Variants in TPM3 observed in about 807,000 individuals in gnomAD.
The protein encoded by TPM3 is tropomyosin alpha-3 chain.
Under a neutral mutation model 43.1 loss-of-function variants are expected in TPM3, and 16 were observed. The ratio of observed to expected loss-of-function variants is 0.37; its 90% confidence interval spans 0.25 to 0.56. The LOEUF (loss-of-function observed/expected upper bound fraction) is 0.56, where lower values mean the gene tolerates loss of function less well. Ranked by LOEUF, TPM3 falls within the 20% of genes least tolerant of loss-of-function variation. TPM3 has a pLI of 0.77. For synonymous variants in TPM3, 101 were observed against 116.9 expected, an observed-to-expected ratio of 0.86 and a Z score of 0.88; for missense variants, 176 against 337.2, an observed-to-expected ratio of 0.52 and a Z score of 3.74.
At position 154,162,415 on chromosome 1, in the gene TPM3, A is replaced by G. The variant is rs1331517814; in HGVS notation, c.*5522T>C. ...AACCAACCCCATGGAGTTGGATAGT[A>G]TTCAACCAACACCATGTGAAAGGAA... On this transcript the variant is annotated 3_prime_UTR_variant, in exon 10 of 10. Coordinates refer to ENST00000651641, the MANE Select transcript of TPM3 (RefSeq NM_152263.4). 6.6e-6 allele frequency among the ~76,000 whole-genome samples: 1 copy of G among 151,556 alleles called. No homozygotes were observed. Among genetic ancestry groups the G allele is most frequent in the African/African-American group, 2.4e-5 (1 of 41,294 alleles).
chr1:154,191,315 T>G lies in TPM3; in HGVS notation c.118-4A>C. On this transcript the variant is annotated splice_region_variant and splice_polypyrimidine_tract_variant and intron_variant, in intron 1 of 9. Transcript: ENST00000651641. Reference sequence around the variant, plus strand: ...TGGCTGCCAGCTCATCCTCCAGCTATAGGAGCCCAGAGAGTCACACACAAA... The same window carrying G: ...TGGCTGCCAGCTCATCCTCCAGCTAGAGGAGCCCAGAGAGTCACACACAAA... 6.2e-7 allele frequency: 1 copy of G among 1,614,014 alleles called. No individual in the cohort carries two copies. Among genetic ancestry groups the G allele is most frequent in the Non-Finnish European group, 8.5e-7 (1 of 1,180,032 alleles).
chr1:154,177,804 C>T (rs1256933688), intron 2 of TPM3, among the ~76,000 whole-genome samples: 1 of 152,128 alleles, frequency 6.6e-6, no homozygotes, highest in Non-Finnish European at 1.5e-5. Flanking sequence ...ACAAAAACTT[C>T]CACATACAAA....
At chr1:154,168,924 T>A (rs1661281832) in intron 9 of TPM3, among the ~76,000 whole-genome samples, 1 of 151,080 alleles carries the variant, frequency 6.6e-6, no homozygotes, top group South Asian at 2.1e-4. Context: ...AACCTCTGCC[T>A]CCCAGATTCA....
intron 2 of TPM3, among the ~76,000 whole-genome samples, chr1:154,189,133 A>G (rs1434884916): frequency 9.2e-4 from 5 of 5,442 alleles, no homozygotes; most frequent in Non-Finnish European, 3.0e-3. Flanking sequence ...CTCTGTCTCA[A>G]AAAAAAAAAA....
Position 154,167,215 on chromosome 1 carries a change from T to C in TPM3, c.*722A>G, listed in dbSNP as rs377063759. 3.7e-6 allele frequency: 3 copies of C among 805,622 alleles called. No homozygotes were observed. The highest frequency in any genetic ancestry group is 3.7e-5 in the African/African-American group (2 of 53,448). The allele number at this position is 805,622 out of a possible 1,614,324, so 49.9% of individuals were successfully genotyped here. A position where few individuals can be genotyped will look rare whatever the true frequency, so the allele number is the denominator to read the frequency against. ...GCAAGTCTCAAATATGTAAGAAAGG[T>C]TTAAAGAAGAAAAAGTAAAAAAACC... On this transcript the variant is annotated 3_prime_UTR_variant, in exon 10 of 10. Transcript: ENST00000651641.
chr1:154,168,998 GCTA>G (rs779377493), intron 9 of TPM3, among the ~76,000 whole-genome samples: 5 of 150,506 alleles, frequency 3.3e-5, no homozygotes, highest in Non-Finnish European at 5.9e-5. Context: ...ACCATGCCTG[GCTA>G]CTTTTTGTAT....
chr1:154,169,686 C>A (rs912288010), intron 8 of TPM3: 2 of 503,518 alleles, frequency 4.0e-6, no homozygotes, highest in Non-Finnish European at 3.6e-6. Context: ...CATCCAGGTA[C>A]CCAATTCCTA....
At chr1:154,173,378 G>A (rs1270561646) in intron 3 of TPM3, among the ~76,000 whole-genome samples, 177 bp from the exon 4 acceptor site, 3 of 152,100 alleles carry the variant, frequency 2.0e-5, no homozygotes, top group East Asian at 1.9e-4. Context: ...AAAATTTTTT[G>A]TTATGGCTGG....
Position 154,166,767 on chromosome 1 carries a change from C to T in TPM3, c.*1170G>A, listed in dbSNP as rs949602184. 1.6e-5 allele frequency: 14 copies of T among 880,870 alleles called. No homozygotes were observed. Among genetic ancestry groups the T allele is most frequent in the Admixed American group, 6.2e-5 (1 of 16,100 alleles). 54.6% of individuals were successfully genotyped at this position (880,870 alleles called of 1,614,324 possible). ...CGCGATCTCCGCTCACTGCAACCTC[C>T]GCCTCCCAGGTGCAAGCGATTCTCC... On this transcript the variant is annotated 3_prime_UTR_variant, in exon 10 of 10. Transcript: ENST00000651641.
chr1:154,158,955 T>A (rs374708914), downstream of TPM3: 2 of 780,094 alleles, frequency 2.6e-6, no homozygotes, highest in Non-Finnish European at 4.8e-6. Flanking sequence ...ATGGGCATCA[T>A]TGAGCCCTGC....
downstream of TPM3, chr1:154,157,461 C>T (rs1413136197): frequency 7.0e-6 from 5 of 717,742 alleles, no homozygotes; most frequent in South Asian, 4.6e-5. Context: ...CTGGATTCTC[C>T]GGGAAGAGGC....
At chr1:154,174,405 T>TATATAC (rs1553249385) in intron 3 of TPM3, among the ~76,000 whole-genome samples, 1 of 89,530 alleles carries the variant, frequency 1.1e-5, no homozygotes, top group African/African-American at 5.4e-5. Flanking sequence ...TATATATATA[T>TATATAC]ATACACACAA....
At chr1:154,183,297 C>T (rs1663192024) in intron 2 of TPM3, 1 of 1,495,186 alleles carries the variant, frequency 6.7e-7, no homozygotes, top group Non-Finnish European at 8.9e-7. Flanking sequence ...GAAGGCAGTC[C>T]ACTGGAGGGA....
intron 2 of TPM3, among the ~76,000 whole-genome samples, chr1:154,190,349 C>G (rs1391954775): frequency 1.3e-5 from 2 of 152,164 alleles, no homozygotes; most frequent in African/African-American, 4.8e-5. Context: ...TGGTAAGATT[C>G]CTATGGTACT....
rs11540125 is a variant in TPM3, at chr1:154,172,097, G to T, written c.567-609C>A. Reference sequence around the variant, plus strand: ...AGTCTAATCTGCTCATCCATCTCTCGGCAACGGCTGTTAGTGATAGTCACG... The same window carrying T: ...AGTCTAATCTGCTCATCCATCTCTCTGCAACGGCTGTTAGTGATAGTCACG... On this transcript the variant is annotated intron_variant, in intron 5 of 9. Transcript: ENST00000651641. The T allele has an allele frequency of 1.4e-5, 23 of 1,613,994 alleles. No homozygotes were observed. The African/African-American group carries it at 2.9e-4, about 21-fold the overall frequency.
rs541735313 is a variant in TPM3, at chr1:154,165,446, C to T, written c.*2491G>A. 6.6e-6 allele frequency among the ~76,000 whole-genome samples: 1 copy of T among 151,982 alleles called. No individual in the cohort carries two copies. Among genetic ancestry groups the T allele is most frequent in the South Asian group, 2.1e-4 (1 of 4,816 alleles). ...ATATTCACTATCCCACAACCCAACT[C>T]TGCTTGTCAAAAATCCACTTTTGGA... On this transcript the variant is annotated 3_prime_UTR_variant, in exon 10 of 10. Transcript: ENST00000651641.
At chr1:154,182,888 G>A (rs1663120514) in intron 2 of TPM3, 3 of 1,573,390 alleles carry the variant, frequency 1.9e-6, no homozygotes, top group Admixed American at 1.7e-5. Flanking sequence ...CGAGCCCGCC[G>A]GCCTTCAGAG....
At position 154,192,072 on chromosome 1, in the gene TPM3, G is replaced by T; in HGVS notation, c.-54C>A. On this transcript the variant is annotated 5_prime_UTR_variant, in exon 1 of 10. Transcript: ENST00000651641. ...TGAACACTGGAGAACTGGAGACTGG[G>T]GCAAGAAAGAAGGGGCTGCTGCCTG... 6.6e-7 allele frequency: 1 copy of T among 1,513,574 alleles called. No individual in the cohort carries two copies. Among genetic ancestry groups the T allele is most frequent in the Non-Finnish European group, 9.2e-7 (1 of 1,092,796 alleles). The allele number at this position is 1,513,574 out of a possible 1,614,324, so 93.8% of individuals were successfully genotyped here.
At chr1:154,159,405 T>C (rs1392670825), downstream of TPM3, among the ~76,000 whole-genome samples, 1 of 152,210 alleles carries the variant, frequency 6.6e-6, no homozygotes, top group Non-Finnish European at 1.5e-5. Flanking sequence ...AAGAAATGTG[T>C]TCACAATAAT....
Sources: allele counts gnomAD v4.1 joint callset (sites outside exome capture counted in the v4.1 genomes callset), GRCh38; gene constraint gnomAD v4.1.1; transcripts MANE v1.5; gene names NCBI Gene and HGNC (gene_info 2026-07-23, HGNC 2026-07-21).